ADGRF1: variants seen among roughly 807,000 people sequenced by gnomAD.
ADGRF1 encodes adhesion G protein-coupled receptor F1, also known as G protein-coupled receptor 110.
Under a neutral mutation model 87.2 loss-of-function variants are expected in ADGRF1, and 85 were observed. That is an observed-to-expected ratio of 0.97 (90% CI 0.82 to 1.17). ADGRF1 has a LOEUF of 1.17. Ranked by LOEUF, ADGRF1 falls within the 50% of genes most tolerant of loss-of-function variation. The pLI is 0.00. For missense variants in ADGRF1, 1,169 were observed against 1,077.2 expected (o/e 1.09, Z -1.19); for synonymous variants, 430 against 408.8 (o/e 1.05, Z -0.63).
chr6:47,000,168 C>G lies in ADGRF1; in HGVS notation c.*54G>C. On this transcript the variant is annotated 3_prime_UTR_variant, in exon 15 of 15. Transcript: ENST00000371253. ...GCATAATTTCTTCATTGACATTTGT[C>G]TCTAAATGTCAAGTTGTTCTGGAAA... 1 of 1,292,190 alleles carries G rather than the reference C, an allele frequency of 7.7e-7. No individual in the cohort carries two copies. Among genetic ancestry groups the G allele is most frequent in the Non-Finnish European group, 1.1e-6 (1 of 894,032 alleles). The allele number at this position is 1,292,190 out of a possible 1,614,324, so 80.0% of individuals were successfully genotyped here. A position where few individuals can be genotyped will look rare whatever the true frequency, so the allele number is the denominator to read the frequency against.
At chr6:47,020,209 C>G in intron 7 of ADGRF1, 4 of 1,236,910 alleles carry the variant, frequency 3.2e-6, no homozygotes, top group Non-Finnish European at 4.0e-6. Flanking sequence ...ATTTAAGGTC[C>G]TAGGCCAGAT....
At chr6:47,039,106 T>C (rs1582199127) in intron 1 of ADGRF1, among the ~76,000 whole-genome samples, 1 of 152,210 alleles carries the variant, frequency 6.6e-6, no homozygotes, top group Non-Finnish European at 1.5e-5. Flanking sequence ...GAAACTCTTA[T>C]CAGGTTTTAA....
intron 9 of ADGRF1, chr6:47,014,162 C>G: frequency 1.4e-6 from 1 of 717,276 alleles, no homozygotes; most frequent in Non-Finnish European, 1.7e-6. Context: ...GCCCCTTGGT[C>G]TTTTGTTTTC....
At chr6:47,007,979 T>C (rs1171639445) in intron 11 of ADGRF1, among the ~76,000 whole-genome samples, 2 of 152,222 alleles carry the variant, frequency 1.3e-5, no homozygotes, top group East Asian at 1.9e-4. Context: ...GAAACATCTA[T>C]TGAGCATTTG....
rs145767107 is a variant in ADGRF1, at chr6:47,020,731, C to T, written c.611G>A (p.Arg204Gln). ...GFESVQVTQF[R>Q]NGSIVAGYEV... ...CTTCTAAGACCATTGTGTTACTTACCGAAATTGGGTGACCTGAACCGACTC... is the reference window on the plus strand; with the variant it reads ...CTTCTAAGACCATTGTGTTACTTACTGAAATTGGGTGACCTGAACCGACTC... Residue 204 changes from arginine (R) to glutamine (Q), a missense_variant and splice_region_variant, in exon 7 of 15, where the codon CGA (arginine) becomes CAA (glutamine). By Grantham distance (43) the Arg-to-Gln change is conservative. Transcript: ENST00000371253. 1.2e-4 allele frequency: 189 copies of T among 1,613,596 alleles called. 1 individual carries two copies. The Admixed American group carries it at 2.9e-3, about 25-fold the overall frequency.
chr6:47,016,701 T>G lies in ADGRF1; in HGVS notation c.679A>C (p.Ile227Leu). The change falls in exon 8 of 15, where the codon ATT (isoleucine) becomes CTT (leucine). Residue 227 changes from isoleucine to leucine, a missense_variant. Transcript: ENST00000371253. ...TTAGCCTTCTCGGCAACATGTTCAA[T>G]GGCTGACAGCAGTTCAGATGCACTG... ...SSSASELLSA[I>L]EHVAEKAKTA... 1 of 1,612,896 alleles carries G rather than the reference T, an allele frequency of 6.2e-7. No homozygotes were observed. Among genetic ancestry groups the G allele is most frequent in the South Asian group, 1.1e-5 (1 of 91,000 alleles).
chr6:47,017,794 G>A (rs1779926585), intron 7 of ADGRF1: 1 of 152,310 alleles, frequency 6.6e-6, no homozygotes, highest in South Asian at 2.1e-4. Context: ...CTTCTGGCGT[G>A]AGGGGATGGC....
chr6:47,029,024 G>C lies in ADGRF1; in HGVS notation c.38C>G (p.Thr13Ser). ...VGVLWLISFF[T>S]FTDGHGGFLG... Reference sequence around the variant, plus strand: ...GAAGCCACCGTGGCCGTCAGTGAAGGTGAAGAAAGAAATGAGCCACAGCAC... The same window carrying C: ...GAAGCCACCGTGGCCGTCAGTGAAGCTGAAGAAAGAAATGAGCCACAGCAC... Residue 13 changes from threonine (T) to serine (S), a missense_variant, in exon 2 of 15, where the codon ACC becomes AGC. Coordinates refer to ENST00000371253, the MANE Select transcript of ADGRF1 (RefSeq NM_153840.4). The C allele has an allele frequency of 6.2e-7, 1 of 1,614,148 alleles. No homozygotes were observed. The highest frequency in any genetic ancestry group is 8.5e-7 in the Non-Finnish European group (1 of 1,180,004).
intron 5 of ADGRF1, among the ~76,000 whole-genome samples, chr6:47,023,597 T>G (rs148659692): frequency 3.5e-4 from 54 of 152,362 alleles, no homozygotes; most frequent in Non-Finnish European, 5.3e-4. Context: ...TACACATATT[T>G]GTTGACAATT....
chr6:47,024,103 G>T lies in ADGRF1; in HGVS notation c.392C>A (p.Pro131Gln). Residue 131 changes from proline to glutamine, a missense_variant, in exon 5 of 15, where the codon CCA becomes CAA. Coordinates refer to ENST00000371253, the MANE Select transcript of ADGRF1 (RefSeq NM_153840.4). Reference sequence around the variant, plus strand: ...GTTGTTGAGATGACATTCACAGCTTGGGAGTGCTCCAGCCGTGTGAAGGTA... The same window carrying T: ...GTTGTTGAGATGACATTCACAGCTTTGGAGTGCTCCAGCCGTGTGAAGGTA... Reference protein sequence around the residue: ...NCYLHTAGALPSCECHLNNLS... With the variant: ...NCYLHTAGALQSCECHLNNLS... The T allele has an allele frequency of 6.2e-7, 1 of 1,614,118 alleles. No homozygotes were observed. The highest frequency in any genetic ancestry group is 8.5e-7 in the Non-Finnish European group (1 of 1,179,986).
At chr6:47,040,981 A>G (rs1780724815) in intron 1 of ADGRF1, among the ~76,000 whole-genome samples, 1 of 152,198 alleles carries the variant, frequency 6.6e-6, no homozygotes, top group African/African-American at 2.4e-5. Flanking sequence ...AAGGCATCCA[A>G]CAATAATTCA....
chr6:47,000,076 T>C lies in ADGRF1; in HGVS notation c.*146A>G. The C allele has an allele frequency of 1.6e-6, 1 of 609,832 alleles. No homozygotes were observed. Among genetic ancestry groups the C allele is most frequent in the East Asian group, 2.8e-5 (1 of 36,186 alleles). 37.8% of individuals were successfully genotyped at this position (609,832 alleles called of 1,614,324 possible). On this transcript the variant is annotated 3_prime_UTR_variant, in exon 15 of 15. Transcript: ENST00000371253. The stretch of plus-strand genomic sequence containing the variant: ...AATTGAAGACAAAAGGGAGCAGTAA[T>C]GAAGCCACTGAGACATTCTTGTTTT...
intron 5 of ADGRF1, among the ~76,000 whole-genome samples, chr6:47,023,086 A>G (rs538000586): frequency 6.8e-4 from 103 of 152,302 alleles, no homozygotes; most frequent in African/African-American, 2.3e-3. Context: ...AATTGCTAGG[A>G]TTACAAGTGT....
chr6:47,005,784 T>G (rs376121039), intron 13 of ADGRF1, 33 bp downstream of exon 13: 2 of 1,521,488 alleles, frequency 1.3e-6, no homozygotes, highest in Non-Finnish European at 1.8e-6. Flanking sequence ...TGGAACTTCA[T>G]GTATTGGATT....
At position 47,016,542 on chromosome 6, in the gene ADGRF1, C is replaced by T. The variant is rs749375822; in HGVS notation, c.763+75G>A. ...TCGTTATTCAAACGTCTCAAATCTA[C>T]TTCCTGAGGACACAAATGAACTACT... On this transcript the variant is annotated intron_variant, in intron 8 of 14. Coordinates refer to ENST00000371253, the MANE Select transcript of ADGRF1 (RefSeq NM_153840.4). 2.0e-4 allele frequency: 281 copies of T among 1,373,962 alleles called. 1 individual carries two copies. The highest frequency in any genetic ancestry group is 1.4e-4 in the Non-Finnish European group (151 of 1,050,160). The allele number at this position is 1,373,962 out of a possible 1,614,324, so 85.1% of individuals were successfully genotyped here. A position where few individuals can be genotyped will look rare whatever the true frequency, so the allele number is the denominator to read the frequency against.
At chr6:47,033,442 A>G (rs973670287) in intron 1 of ADGRF1, among the ~76,000 whole-genome samples, 1 of 152,182 alleles carries the variant, frequency 6.6e-6, no homozygotes, top group South Asian at 2.1e-4. Flanking sequence ...AACTGCTCAC[A>G]CCTATACTTT....
chr6:47,010,284 GA>G lies in ADGRF1; in HGVS notation c.1150del (p.Ser384GlnfsTer4). The G allele has an allele frequency of 6.2e-7, 1 of 1,612,450 alleles. No homozygotes were observed. Among genetic ancestry groups the G allele is most frequent in the Non-Finnish European group, 8.5e-7 (1 of 1,179,282 alleles). ...VISIADNILN[S>X]ASVTNWTVLL... ...GACTGTCCAGTTGGTTACTGAGGCT[GA>G]ATTAAGGATATTGTCAGCTATACTG... On this transcript the variant is annotated frameshift_variant, in exon 11 of 15. Transcript: ENST00000371253. LOFTEE classifies it high-confidence loss of function.
chr6:47,012,091 A>AT lies in ADGRF1; in HGVS notation c.1031dup (p.Asn344LysfsTer36), dbSNP rs749400359. ...TCAGAATCGACACCACCGAAGCCAG[A>AT]TTCCCCACTGTGGTTGATGGGTTTT... On this transcript the variant is annotated frameshift_variant, in exon 10 of 15. Coordinates refer to ENST00000371253, the MANE Select transcript of ADGRF1 (RefSeq NM_153840.4). LOFTEE classifies it high-confidence loss of function. The AT allele has an allele frequency of 6.2e-7, 1 of 1,614,182 alleles. No homozygotes were observed. Among genetic ancestry groups the AT allele is most frequent in the South Asian group, 1.1e-5 (1 of 91,082 alleles).
rs887896083 is a variant in ADGRF1, at chr6:47,001,571, C to T, written c.2593-4G>A. On this transcript the variant is annotated splice_region_variant and splice_polypyrimidine_tract_variant and intron_variant, in intron 13 of 14. Transcript: ENST00000371253. ...CAGATAAATCTGATGAGTTTTGCTGCACAAAATAAAAATAAGTCATTTGGA... is the reference window on the plus strand; with the variant it reads ...CAGATAAATCTGATGAGTTTTGCTGTACAAAATAAAAATAAGTCATTTGGA... 2 of 1,612,882 alleles carry T rather than the reference C, an allele frequency of 1.2e-6. No individual in the cohort carries two copies. Among genetic ancestry groups the T allele is most frequent in the Non-Finnish European group, 1.7e-6 (2 of 1,179,246 alleles).
Sources: allele counts gnomAD v4.1 joint callset (sites outside exome capture counted in the v4.1 genomes callset), GRCh38; gene constraint gnomAD v4.1.1; transcripts MANE v1.5; gene names NCBI Gene and HGNC (gene_info 2026-07-23, HGNC 2026-07-21).